Variants in C13orf42 observed in about 807,000 individuals in gnomAD.
C13orf42 encodes uncharacterized protein C13orf42.
In C13orf42 at chr13:51,082,347, A is replaced by G. The variant is rs554971257; in HGVS notation, c.*1804T>C. On this transcript the variant is annotated 3_prime_UTR_variant, in exon 4 of 4. Coordinates refer to ENST00000563710, the MANE Select transcript of C13orf42 (RefSeq NM_001351589.3). ...CAAAAAACATACAAAACAAAGCAAA[A>G]TAAGACGGCACAGCTTCATGTGCCA... The G allele has an allele frequency of 6.6e-6, 1 of 152,212 alleles. No homozygotes were observed. The highest frequency in any genetic ancestry group is 1.5e-5 in the Non-Finnish European group (1 of 68,042). The allele number at this position is 152,212 out of a possible 1,614,324, so 9.4% of individuals were successfully genotyped here.
chr13:51,085,858 G>T (rs1953118923), intron 2 of C13orf42, among the ~76,000 whole-genome samples: 1 of 152,228 alleles, frequency 6.6e-6, no homozygotes, highest in Admixed American at 6.5e-5. Context: ...AGACCAGCCT[G>T]GCCAACATGG....
chr13:51,164,129 GCTCAA>G (rs1324737959), intron 1 of C13orf42, among the ~76,000 whole-genome samples: 1 of 152,158 alleles, frequency 6.6e-6, no homozygotes, highest in Non-Finnish European at 1.5e-5. Flanking sequence ...TACGGCTAGC[GCTCAA>G]CTCAATGGAT....
chr13:51,172,180 G>T (rs534111627), intron 1 of C13orf42: 9 of 152,268 alleles, frequency 5.9e-5, no homozygotes, highest in African/African-American at 2.2e-4. Context: ...AGGAATGCCC[G>T]CAGCCTGGGA....
chr13:51,154,434 A>G (rs74704802), intron 1 of C13orf42, among the ~76,000 whole-genome samples: 5,515 of 147,744 alleles, frequency 0.037, 345 homozygotes, highest in African/African-American at 0.13. Context: ...ATACAATTAT[A>G]CAGCTGGCTC....
At position 51,140,864 on chromosome 13, in the gene C13orf42, T is replaced by G. The variant is rs536014186; in HGVS notation, n.137-27642A>C. On this transcript the variant is annotated intron_variant and non_coding_transcript_variant, in intron 1 of 4. Coordinates refer to the C13orf42 transcript ENST00000433280. ...TAGGTAAAAAACTGGTTTGGGATTC[T>G]GTCTTGCAAATTCTTTTCAAACTAC... is the stretch of plus-strand genomic sequence containing the variant. 8.5e-5 allele frequency among the ~76,000 whole-genome samples: 13 copies of G among 152,274 alleles called. No homozygotes were observed. In the East Asian group the frequency reaches 2.5e-3, roughly 29 times the overall value.
chr13:51,163,957 G>A (rs142317121), intron 1 of C13orf42, among the ~76,000 whole-genome samples: 143 of 152,262 alleles, frequency 9.4e-4, no homozygotes, highest in African/African-American at 3.3e-3. Context: ...CAAACGGCAG[G>A]AGAGATGAGT....
At chr13:51,148,167 T>C (rs1044693079) in intron 1 of C13orf42, among the ~76,000 whole-genome samples, 17 of 152,214 alleles carry the variant, frequency 1.1e-4, no homozygotes, top group African/African-American at 3.9e-4. Context: ...TTACTTCTAG[T>C]GGAGAGGAAG....
chr13:51,157,744 T>C (rs915171406), intron 1 of C13orf42, among the ~76,000 whole-genome samples: 1 of 152,216 alleles, frequency 6.6e-6, no homozygotes, highest in African/African-American at 2.4e-5. Flanking sequence ...GTTTTTTTAA[T>C]GTTAGATAAA....
rs566478009 is a variant in C13orf42, at chr13:51,087,952, G to A, written c.538C>T (p.Pro180Ser). 7.5e-6 allele frequency: 3 copies of A among 399,060 alleles called. No homozygotes were observed. In the Admixed American group the frequency reaches 1.3e-4, roughly 18 times the overall value. The allele number at this position is 399,060 out of a possible 1,614,324, so 24.7% of individuals were successfully genotyped here. Residue 180 changes from proline (P) to serine (S), a missense_variant, in exon 2 of 4, where the codon CCA (proline) becomes TCA (serine). Transcript: ENST00000563710. ...RRPRAAEASL[P>S]NEDVDFDVAT... ...CCGTCAAAGTCCACATCTTCATTTG[G>A]CAGGCTGGCCTCAGCAGCCCGGGGT...
intron 1 of C13orf42, among the ~76,000 whole-genome samples, chr13:51,135,136 A>C (rs1334340479): frequency 6.6e-6 from 1 of 152,154 alleles, no homozygotes; most frequent in Admixed American, 6.6e-5. Flanking sequence ...TGGCTGTCAG[A>C]GGAGGGAGGA....
At chr13:51,094,983 T>C (rs530773112) in intron 1 of C13orf42, among the ~76,000 whole-genome samples, 4 of 152,046 alleles carry the variant, frequency 2.6e-5, no homozygotes, top group Admixed American at 2.0e-4. Context: ...TAAAGGGGAG[T>C]TCCCCTGCAC....
chr13:51,164,494 C>T (rs960757626), intron 1 of C13orf42, among the ~76,000 whole-genome samples: 3 of 152,118 alleles, frequency 2.0e-5, no homozygotes, highest in African/African-American at 7.2e-5. Context: ...AGACCCCCAT[C>T]TCTACAAAAA....
chr13:51,140,281 T>C (rs932419420), intron 1 of C13orf42, among the ~76,000 whole-genome samples: 2 of 152,230 alleles, frequency 1.3e-5, no homozygotes, highest in Admixed American at 6.5e-5. Context: ...TTCTTAGATA[T>C]ACTGATTGAT....
At chr13:51,092,445 T>C (rs1384876015) in intron 1 of C13orf42, among the ~76,000 whole-genome samples, 1 of 152,186 alleles carries the variant, frequency 6.6e-6, no homozygotes, top group Non-Finnish European at 1.5e-5. Flanking sequence ...TTTGGTTTAT[T>C]TAAAGTGATC....
intron 1 of C13orf42, among the ~76,000 whole-genome samples, chr13:51,100,436 A>G (rs979660808): frequency 1.3e-5 from 2 of 152,150 alleles, no homozygotes; most frequent in African/African-American, 4.8e-5. Flanking sequence ...ACAAAATATA[A>G]GAAGAAGTGT....
chr13:51,143,799 G>T lies in C13orf42; in HGVS notation n.136+28454C>A, dbSNP rs548692753. 3.5e-4 allele frequency among the ~76,000 whole-genome samples: 53 copies of T among 152,196 alleles called. 2 individuals are homozygous for T. The South Asian group carries it at 4.1e-3, about 12-fold the overall frequency. Reference sequence around the variant, plus strand: ...ATTAGGTTCGCTAAAGTTCAAAAATGACATAATGTGGCTTATTTGGTATAA... The same window carrying T: ...ATTAGGTTCGCTAAAGTTCAAAAATTACATAATGTGGCTTATTTGGTATAA... On this transcript the variant is annotated intron_variant and non_coding_transcript_variant, in intron 1 of 4. Transcript: ENST00000433280.
chr13:51,120,483 T>C lies in C13orf42; in HGVS notation n.137-7261A>G, dbSNP rs544784662. Among the ~76,000 whole-genome samples, 7 of 152,310 alleles carry C rather than the reference T, an allele frequency of 4.6e-5. No individual in the cohort carries two copies. In the South Asian group the frequency reaches 1.0e-3, roughly 23 times the overall value. ...TTCTAGATATGTAGTGGGAGCTTTATAAATATGTGTTAAATGAGATTCAAC... is the reference window on the plus strand; with the variant it reads ...TTCTAGATATGTAGTGGGAGCTTTACAAATATGTGTTAAATGAGATTCAAC... On this transcript the variant is annotated intron_variant and non_coding_transcript_variant, in intron 1 of 4. Coordinates refer to the C13orf42 transcript ENST00000433280.
intron 1 of C13orf42, among the ~76,000 whole-genome samples, chr13:51,143,364 A>G (rs12430672): frequency 0.49 from 74,837 of 152,058 alleles, 18,549 homozygotes; most frequent in African/African-American, 0.54. Context: ...CAAATTAATT[A>G]TTAATGTCAA....
At chr13:51,153,721 A>C (rs549238515) in intron 1 of C13orf42, among the ~76,000 whole-genome samples, 1 of 139,806 alleles carries the variant, frequency 7.2e-6, no homozygotes, top group Admixed American at 8.2e-5. Flanking sequence ...AGCTCACTGC[A>C]ACCTCCGTCT....
Sources: gnomAD v4.1 joint callset for allele counts (sites outside exome capture counted in the v4.1 genomes callset) on GRCh38, gnomAD v4.1.1 for gene constraint, MANE v1.5 for transcripts, NCBI Gene and HGNC (gene_info 2026-07-23, HGNC 2026-07-21) for gene names.